ZNF624: variants seen among roughly 807,000 people sequenced by gnomAD.
ZNF624 encodes the protein zinc finger protein 624.
In ZNF624, 43 loss-of-function variants were observed where a neutral mutation model predicts 74.7. The ratio of observed to expected loss-of-function variants is 0.58; its 90% CI spans 0.45 to 0.74. The LOEUF (loss-of-function observed/expected upper bound fraction) is 0.74. Among genes scored for constraint, ZNF624 ranks in the 30% least tolerant of loss-of-function variants. The probability of loss-of-function intolerance (pLI) is 0.00; values close to 1 mark genes in which losing one functional copy is unlikely to be tolerated. For synonymous variants in ZNF624, 331 were observed against 341.3 expected, an observed-to-expected ratio of 0.97 and a Z score of 0.33; for missense variants, 820 against 1,030.0, an observed-to-expected ratio of 0.80 and a Z score of 2.79.
chr17:16,642,861 T>C (rs1192947121), intron 3 of ZNF624, among the ~76,000 whole-genome samples: 1 of 152,130 alleles, frequency 6.6e-6, no homozygotes, highest in East Asian at 1.9e-4. Context: ...GCAAAGGACT[T>C]GAATAGATAT....
At chr17:16,619,135 G>A (rs372484276), downstream of ZNF624, among the ~76,000 whole-genome samples, 4 of 152,290 alleles carry the variant, frequency 2.6e-5, no homozygotes, top group Non-Finnish European at 2.9e-5. Context: ...GGGAGAGAGA[G>A]GAAGATGGCC....
chr17:16,617,979 G>A (rs1313739918), downstream of ZNF624: 7 of 710,578 alleles, frequency 9.9e-6, no homozygotes, highest in African/African-American at 5.3e-5. Context: ...GCCCGAACAC[G>A]CGCCTCACAC....
At chr17:16,618,176 TA>T (rs374433038), downstream of ZNF624, among the ~76,000 whole-genome samples, 27 of 148,050 alleles carry the variant, frequency 1.8e-4, no homozygotes, top group South Asian at 1.5e-3. Flanking sequence ...CCATCTCTAC[TA>T]AAAAAAAAAT....
rs756150616 is a variant in ZNF624 at position 16,622,281 on chromosome 17, T to C, written c.*7A>G. ...AGTTGACATCTAGGTGAATGACTTA[T>C]TGTTCTTTATATTAACTGAGTTTCT... On this transcript the variant is annotated 3_prime_UTR_variant, in exon 6 of 6. Transcript: ENST00000311331. The C allele has an allele frequency of 2.0e-6, 3 of 1,533,316 alleles. No homozygotes were observed. The highest frequency in any genetic ancestry group is 2.2e-5 in the Admixed American group (1 of 46,100). The allele number at this position is 1,533,316 out of a possible 1,614,324, so 95.0% of individuals were successfully genotyped here.
Position 16,620,787 on chromosome 17 carries a change from T to C in ZNF624, c.*1501A>G, listed in dbSNP as rs1042107750. ...TTACAGGTTCATTGCAAGGAAAAAA[T>C]TAACTTAAAAACACAGAAAAGAAAG... On this transcript the variant is annotated 3_prime_UTR_variant, in exon 6 of 6. Coordinates refer to ENST00000311331, the MANE Select transcript of ZNF624 (RefSeq NM_020787.4). 2.6e-5 allele frequency: 4 copies of C among 151,986 alleles called. No homozygotes were observed. The highest frequency in any genetic ancestry group is 5.9e-5 in the Non-Finnish European group (4 of 68,012). The allele number at this position is 151,986 out of a possible 1,614,324, so 9.4% of individuals were successfully genotyped here.
chr17:16,635,023 T>C (rs1909294418), intron 3 of ZNF624, among the ~76,000 whole-genome samples: 1 of 152,236 alleles, frequency 6.6e-6, no homozygotes. Flanking sequence ...ATTATAAATA[T>C]TGGCTCCACT....
At chr17:16,645,707 T>A (rs1345254705) in intron 3 of ZNF624, among the ~76,000 whole-genome samples, 1 of 150,150 alleles carries the variant, frequency 6.7e-6, no homozygotes, top group Non-Finnish European at 1.5e-5. Flanking sequence ...ATCCCAGCAT[T>A]TTGGGAGGCT....
At chr17:16,648,363 C>G (rs1019918351) in intron 2 of ZNF624, among the ~76,000 whole-genome samples, 12 of 151,054 alleles carry the variant, frequency 7.9e-5, no homozygotes, top group African/African-American at 2.9e-4. Context: ...ATAAAGATCA[C>G]TATGAAAAAA....
rs1908925592 is a variant in ZNF624, at chr17:16,621,998, T to C, written c.*290A>G. 9.9e-6 allele frequency: 2 copies of C among 201,756 alleles called. No individual in the cohort carries two copies. 12.5% of individuals were successfully genotyped at this position (201,756 alleles called of 1,614,324 possible). The stretch of plus-strand genomic sequence containing the variant: ...TTATAAGAAAAGACAGATAAATGAA[T>C]AGAAAAATAGGCAAATACATATATA... On this transcript the variant is annotated 3_prime_UTR_variant, in exon 6 of 6. Transcript: ENST00000311331.
At chr17:16,626,203 G>A (rs1282610036) in intron 5 of ZNF624, among the ~76,000 whole-genome samples, 1 of 152,006 alleles carries the variant, frequency 6.6e-6, no homozygotes, top group Admixed American at 6.5e-5. Context: ...CACCCTCCTC[G>A]GCCTTCCAAA....
rs1340102040 is a variant in ZNF624 at position 16,621,704 on chromosome 17, G to A, written c.*584C>T. 2.0e-5 allele frequency: 3 copies of A among 152,166 alleles called. No individual in the cohort carries two copies. Among genetic ancestry groups the A allele is most frequent in the Non-Finnish European group, 4.4e-5 (3 of 68,060 alleles). 9.4% of individuals were successfully genotyped at this position (152,166 alleles called of 1,614,324 possible). On this transcript the variant is annotated 3_prime_UTR_variant, in exon 6 of 6. Coordinates refer to ENST00000311331, the MANE Select transcript of ZNF624 (RefSeq NM_020787.4). Reference sequence around the variant, plus strand: ...CTCCTATGAAGAACCATCCAGTCCAGAGGGATTAAAGACTTAAGTGTAAAA... The same window carrying A: ...CTCCTATGAAGAACCATCCAGTCCAAAGGGATTAAAGACTTAAGTGTAAAA...
At chr17:16,649,588 A>C in intron 2 of ZNF624, 70 bp downstream of exon 2, 1 of 1,414,550 alleles carries the variant, frequency 7.1e-7, no homozygotes, top group Non-Finnish European at 1.0e-6. Flanking sequence ...GAGAAGTCGC[A>C]AGCCTTCAGG....
chr17:16,649,032 CATTT>C (rs1195082443), intron 2 of ZNF624, among the ~76,000 whole-genome samples: 1 of 152,190 alleles, frequency 6.6e-6, no homozygotes, highest in African/African-American at 2.4e-5. Flanking sequence ...ACTATCATCC[CATTT>C]CTTTCTTTAC....
At chr17:16,648,037 G>A (rs1423125010) in intron 2 of ZNF624, among the ~76,000 whole-genome samples, 1 of 151,990 alleles carries the variant, frequency 6.6e-6, no homozygotes, top group South Asian at 2.1e-4. Flanking sequence ...CCAGGTTCAA[G>A]TGATTCTCCT....
intron 1 of ZNF624, among the ~76,000 whole-genome samples, chr17:16,653,187 C>T (rs1048398440): frequency 6.6e-6 from 1 of 152,236 alleles, no homozygotes; most frequent in Non-Finnish European, 1.5e-5. Context: ...CAGGGAGTGA[C>T]AAGTGATTAA....
intron 5 of ZNF624, among the ~76,000 whole-genome samples, chr17:16,629,212 A>T (rs969256811): frequency 2.7e-5 from 4 of 147,554 alleles, no homozygotes; most frequent in African/African-American, 1.0e-4. Context: ...AAAAAAAAAA[A>T]AAAAAAAAAA....
intron 3 of ZNF624, among the ~76,000 whole-genome samples, chr17:16,638,191 G>A (rs1369728539): frequency 3.3e-5 from 5 of 152,138 alleles, no homozygotes; most frequent in Non-Finnish European, 5.9e-5. Flanking sequence ...TTAGGATGGC[G>A]ATCATTAAAA....
Position 16,624,419 on chromosome 17 carries a change from G to T in ZNF624, c.467C>A (p.Thr156Lys). 1.1e-5 allele frequency: 18 copies of T among 1,613,176 alleles called. No individual in the cohort carries two copies. The highest frequency in any genetic ancestry group is 1.5e-5 in the Non-Finnish European group (18 of 1,179,782). ...LSQEAILEKLTENGLWDSRME... is the reference protein window; with the variant it reads ...LSQEAILEKLKENGLWDSRME... ...TCTGGAATCCCACAGACCATTCTCT[G>T]TAAGTTTCTCTAGTATGGCCTCCTG... Residue 156 changes from threonine (T) to lysine (K), a missense_variant, in exon 6 of 6, where the codon ACA (threonine) becomes AAA (lysine). Thr to Lys is a moderately conservative substitution (Grantham distance 78, BLOSUM62 -1). Transcript: ENST00000311331.
chr17:16,652,376 T>C (rs1004772116), intron 1 of ZNF624, among the ~76,000 whole-genome samples: 2 of 152,098 alleles, frequency 1.3e-5, no homozygotes, highest in African/African-American at 4.8e-5. Context: ...AAGAGCAACA[T>C]AAGGCATTTT....
Sources: gnomAD v4.1 joint callset for allele counts (sites outside exome capture counted in the v4.1 genomes callset) on GRCh38, gnomAD v4.1.1 for gene constraint, MANE v1.5 for transcripts, NCBI Gene and HGNC (gene_info 2026-07-23, HGNC 2026-07-21) for gene names.